UGGT2: variants seen among roughly 807,000 people sequenced by gnomAD.
The protein encoded by UGGT2 is UDP-glucose glycoprotein glucosyltransferase 2.
Under a neutral mutation model 192.1 loss-of-function variants are expected in UGGT2, and 180 were observed. The observed-to-expected ratio is 0.94, with a 90% CI of 0.83 to 1.06. The LOEUF is 1.06. UGGT2 is among the 50% of genes least tolerant of loss of function. The probability of loss-of-function intolerance (pLI) is 0.00; values close to 1 mark genes in which losing one functional copy is unlikely to be tolerated. For synonymous variants in UGGT2, 580 were observed against 591.0 expected, an observed-to-expected ratio of 0.98 and a Z score of 0.27; for missense variants, 1,849 against 1,795.7, an observed-to-expected ratio of 1.03 and a Z score of -0.54.
In UGGT2 at chr13:95,986,688, T is replaced by G. The variant is rs533565761; in HGVS notation, c.932-256A>C. On this transcript the variant is annotated intron_variant, in intron 8 of 38. Transcript: ENST00000376747. ...AATTACAGTATAATTTCGAGAGAGA[T>G]ATATGAAAAGAAATGCTCTCGCAAA... Among the ~76,000 whole-genome samples the G allele has an allele frequency of 3.9e-5, 6 of 152,202 alleles. No individual in the cohort carries two copies. In the South Asian group the frequency reaches 1.0e-3, roughly 26 times the overall value.
chr13:95,848,961 A>G (rs557217906), intron 36 of UGGT2, among the ~76,000 whole-genome samples: 107 of 152,272 alleles, frequency 7.0e-4, no homozygotes, highest in Non-Finnish European at 1.4e-3. Flanking sequence ...CTTTCATTAG[A>G]ATTTTACAGT....
chr13:95,943,390 A>G (rs570432254), intron 15 of UGGT2, among the ~76,000 whole-genome samples: 2 of 151,912 alleles, frequency 1.3e-5, no homozygotes, highest in Non-Finnish European at 2.9e-5. Flanking sequence ...TTTCTCCACA[A>G]AACTGACCTT....
chr13:95,918,723 C>T (rs1365331349), intron 20 of UGGT2, among the ~76,000 whole-genome samples: 3 of 151,944 alleles, frequency 2.0e-5, no homozygotes, highest in Non-Finnish European at 4.4e-5. Context: ...GAAACTGAGG[C>T]AGCAATAAGT....
chr13:95,856,683 G>T (rs1469544041), intron 33 of UGGT2: 1 of 423,018 alleles, frequency 2.4e-6, no homozygotes, highest in Non-Finnish European at 4.5e-6. Flanking sequence ...CTGGATCTTG[G>T]AACACCTACA....
At chr13:96,035,633 T>C (rs2052979384) in intron 1 of UGGT2, among the ~76,000 whole-genome samples, 2 of 152,044 alleles carry the variant, frequency 1.3e-5, no homozygotes, top group East Asian at 1.9e-4. Context: ...ACCTACAGAA[T>C]GGGAGAAAAT....
At chr13:95,807,673 A>C (rs972147850) in intron 38 of UGGT2, among the ~76,000 whole-genome samples, 1 of 137,024 alleles carries the variant, frequency 7.3e-6, no homozygotes, top group African/African-American at 2.8e-5. Flanking sequence ...CTAGCTCTTT[A>C]ATTTCTTCTA....
chr13:95,972,136 ATTTT>A (rs10568232), intron 11 of UGGT2, among the ~76,000 whole-genome samples: 5 of 141,804 alleles, frequency 3.5e-5, no homozygotes, highest in Admixed American at 7.0e-5. Context: ...ATTTTGAAGA[ATTTT>A]TTTTTTTTTT....
intron 38 of UGGT2, among the ~76,000 whole-genome samples, chr13:95,829,471 G>T (rs1886427161): frequency 6.6e-6 from 1 of 152,176 alleles, no homozygotes; most frequent in Non-Finnish European, 1.5e-5. Flanking sequence ...CTTCAGCAAA[G>T]TCTCTGGATA....
chr13:96,048,012 C>T (rs2053369465), intron 1 of UGGT2, among the ~76,000 whole-genome samples: 1 of 152,170 alleles, frequency 6.6e-6, no homozygotes, highest in Non-Finnish European at 1.5e-5. Context: ...GAACTCTCCA[C>T]CCCAAATCAA....
At chr13:95,876,015 A>AT (rs1270296507) in intron 29 of UGGT2, among the ~76,000 whole-genome samples, 4 of 152,228 alleles carry the variant, frequency 2.6e-5, no homozygotes, top group South Asian at 2.1e-4. Context: ...TTTATGGTCT[A>AT]TTTTTTTAAT....
chr13:95,906,732 T>C (rs2048303240), intron 20 of UGGT2, among the ~76,000 whole-genome samples: 1 of 152,144 alleles, frequency 6.6e-6, no homozygotes, highest in South Asian at 2.1e-4. Context: ...TTTCACTGTA[T>C]ACAAAAGAAT....
chr13:95,973,273 C>A (rs1421881039), intron 10 of UGGT2, among the ~76,000 whole-genome samples: 2 of 151,982 alleles, frequency 1.3e-5, no homozygotes, highest in African/African-American at 4.8e-5. Flanking sequence ...TAGCAGTTTG[C>A]CCAGCCCTGA....
intron 38 of UGGT2, among the ~76,000 whole-genome samples, chr13:95,806,036 T>TA (rs35951474): frequency 0.2 from 17,316 of 84,558 alleles, 1,918 homozygotes; most frequent in African/African-American, 0.33. Context: ...AAGAGATTAT[T>TA]AAAAAAAAAA....
At chr13:95,925,851 T>A in intron 19 of UGGT2, 77 bp from the exon 20 acceptor site, 1 of 909,836 alleles carries the variant, frequency 1.1e-6, no homozygotes, top group Non-Finnish European at 1.6e-6. Context: ...CATGTGCAGT[T>A]AACACATTAA....
At chr13:95,926,220 G>A (rs2049010669) in intron 19 of UGGT2, among the ~76,000 whole-genome samples, 2 of 152,176 alleles carry the variant, frequency 1.3e-5, no homozygotes, top group South Asian at 2.1e-4. Context: ...ATAAAATCAT[G>A]GAATCTGTTA....
chr13:96,013,158 T>A, intron 5 of UGGT2, 149 bp downstream of exon 5: 1 of 764,326 alleles, frequency 1.3e-6, no homozygotes, highest in Non-Finnish European at 1.9e-6. Flanking sequence ...TCCCAATATA[T>A]TTTTCCACAT....
At chr13:95,985,234 C>T (rs773790837) in intron 9 of UGGT2, 1 of 1,180,108 alleles carries the variant, frequency 8.5e-7, no homozygotes, top group Non-Finnish European at 1.1e-6. Flanking sequence ...GACATTTATA[C>T]ACACCCATAT....
rs1890805987 is a variant in UGGT2, at chr13:95,867,743, T to C, written c.3474-320A>G. Among the ~76,000 whole-genome samples, 3 of 152,168 alleles carry C rather than the reference T, an allele frequency of 2.0e-5. 1 individual carries two copies. The highest frequency in any genetic ancestry group is 4.1e-4 in the South Asian group (2 of 4,838). On this transcript the variant is annotated intron_variant, in intron 29 of 38. Transcript: ENST00000376747. Reference sequence around the variant, plus strand: ...CCAAGGCTATCACACAACTAAAATCTTTCACATCCCTGATATATTGTAGTG... The same window carrying C: ...CCAAGGCTATCACACAACTAAAATCCTTCACATCCCTGATATATTGTAGTG...
intron 25 of UGGT2, 117 bp from the exon 26 acceptor site, chr13:95,888,088 T>C (rs777415092): frequency 4.6e-6 from 3 of 646,208 alleles, no homozygotes; most frequent in Non-Finnish European, 7.5e-6. Flanking sequence ...TCTCACTTGA[T>C]CCTTACAACG....
Sources: gnomAD v4.1 joint callset for allele counts (sites outside exome capture counted in the v4.1 genomes callset) on GRCh38, gnomAD v4.1.1 for gene constraint, MANE v1.5 for transcripts, NCBI Gene and HGNC (gene_info 2026-07-23, HGNC 2026-07-21) for gene names.